The following RORA variants were observed in gnomAD, a reference collection of about 807,000 sequenced individuals.
The protein encoded by RORA is RAR related orphan receptor A.
RORA carries 7 observed loss-of-function variants against 69.5 expected under a neutral mutation model. The ratio of observed to expected loss-of-function variants is 0.10; its 90% CI spans 0.06 to 0.19. The LOEUF is 0.19. RORA is among the 10% of genes least tolerant of loss of function. RORA has a pLI of 1.00. For synonymous variants in RORA, 261 were observed against 240.8 expected (o/e 1.08, Z -0.78); for missense variants, 457 against 663.0 (o/e 0.69, Z 3.41).
At chr15:60,656,973 A>T (rs1441559688) in intron 2 of RORA, among the ~76,000 whole-genome samples, 1 of 152,198 alleles carries the variant, frequency 6.6e-6, no homozygotes, top group Non-Finnish European at 1.5e-5. Context: ...TCTTTTTGGT[A>T]TAATTAGAAG....
chr15:60,595,566 C>A (rs2068648247), intron 2 of RORA, among the ~76,000 whole-genome samples: 1 of 150,392 alleles, frequency 6.6e-6, no homozygotes. Flanking sequence ...TATTAAAATG[C>A]AATAAATATG....
intron 1 of RORA, among the ~76,000 whole-genome samples, chr15:61,077,913 G>A (rs903819577): frequency 6.6e-6 from 1 of 152,112 alleles, no homozygotes; most frequent in African/African-American, 2.4e-5. Flanking sequence ...AGAGAGTAGG[G>A]TGAAGGCCCA....
chr15:60,503,503 G>A, intron 7 of RORA, 32 bp downstream of exon 7: 4 of 1,611,856 alleles, frequency 2.5e-6, no homozygotes, highest in South Asian at 2.2e-5. Flanking sequence ...AGGTTAGGAA[G>A]AGATCTCAAA....
chr15:61,096,249 C>A (rs2078788410), intron 1 of RORA, among the ~76,000 whole-genome samples: 1 of 152,130 alleles, frequency 6.6e-6, no homozygotes, highest in South Asian at 2.1e-4. Context: ...ACTACTGTCC[C>A]TTATAGAGCT....
chr15:60,640,793 T>G (rs1567137865), intron 2 of RORA, among the ~76,000 whole-genome samples: 1 of 152,214 alleles, frequency 6.6e-6, no homozygotes, highest in Non-Finnish European at 1.5e-5. Context: ...TCCTAAAATT[T>G]GTCATCCTTG....
At chr15:60,543,938 A>G (rs374185474) in intron 2 of RORA, among the ~76,000 whole-genome samples, 17 of 152,326 alleles carry the variant, frequency 1.1e-4, no homozygotes, top group African/African-American at 3.6e-4. Context: ...GGCACGATAG[A>G]AAGAAACCAG....
chr15:61,029,695 G>T (rs1036116726), intron 1 of RORA, among the ~76,000 whole-genome samples: 1 of 152,090 alleles, frequency 6.6e-6, no homozygotes, highest in Non-Finnish European at 1.5e-5. Context: ...GTAAAGAAGG[G>T]GAAAGAATTC....
intron 1 of RORA, among the ~76,000 whole-genome samples, chr15:60,735,803 A>C (rs1449011201): frequency 1.3e-5 from 2 of 152,192 alleles, no homozygotes; most frequent in Non-Finnish European, 2.9e-5. Context: ...GGTTTTGAAG[A>C]TAAAATTCAA....
At chr15:60,647,761 A>G (rs2070074919) in intron 2 of RORA, among the ~76,000 whole-genome samples, 1 of 152,218 alleles carries the variant, frequency 6.6e-6, no homozygotes. Context: ...TACTGTTGAG[A>G]GAAAAGTACA....
rs970975188 is a variant in RORA at position 60,801,801 on chromosome 15, G to A, written c.167-123115C>T. On this transcript the variant is annotated intron_variant, in intron 1 of 10. Coordinates refer to ENST00000335670, the MANE Select transcript of RORA (RefSeq NM_134261.3). ...GAAGTCTCCTAAGAGGATGCAAGCAGGCTTGTGTGGAATAATCCCTTAACT... is the reference window on the plus strand; with the variant it reads ...GAAGTCTCCTAAGAGGATGCAAGCAAGCTTGTGTGGAATAATCCCTTAACT... Among the ~76,000 whole-genome samples, 3 of 152,180 alleles carry A rather than the reference G, an allele frequency of 2.0e-5. No homozygotes were observed. The East Asian group carries it at 5.8e-4, about 29-fold the overall frequency.
intron 1 of RORA, among the ~76,000 whole-genome samples, chr15:60,812,543 G>A (rs77072790): frequency 0.063 from 9,609 of 152,146 alleles, 382 homozygotes; most frequent in Admixed American, 0.092. Context: ...AAAGAAGAGT[G>A]AATGAAATAA....
chr15:60,661,058 C>CA (rs565540593), intron 2 of RORA, among the ~76,000 whole-genome samples: 16,775 of 119,076 alleles, frequency 0.14, 1,081 homozygotes, highest in East Asian at 0.27. Flanking sequence ...GAAATTCTGG[C>CA]AAAAAAAAAA....
chr15:61,170,923 A>C (rs1596043975), intron 1 of RORA, among the ~76,000 whole-genome samples: 2 of 152,332 alleles, frequency 1.3e-5, no homozygotes. Context: ...CACCCTCTAG[A>C]TACCATACTT....
chr15:60,710,688 T>C (rs2140808151), intron 1 of RORA, among the ~76,000 whole-genome samples: 1 of 152,252 alleles, frequency 6.6e-6, no homozygotes, highest in African/African-American at 2.4e-5. Context: ...ATGCATTTAC[T>C]CACATTCTCA....
At chr15:61,119,086 G>GGT (rs1555412581) in intron 1 of RORA, among the ~76,000 whole-genome samples, 3 of 145,762 alleles carry the variant, frequency 2.1e-5, no homozygotes, top group East Asian at 2.0e-4. Context: ...ACAGAAGGGG[G>GGT]GGGGGGGCGC....
chr15:60,624,511 G>GTGTA (rs1555439858), intron 2 of RORA, among the ~76,000 whole-genome samples: 1 of 74,746 alleles, frequency 1.3e-5, no homozygotes, highest in Admixed American at 1.4e-4. Flanking sequence ...CTGTATGTGT[G>GTGTA]TGTATATATA....
At chr15:60,633,820 T>C (rs1434688331) in intron 2 of RORA, among the ~76,000 whole-genome samples, 3 of 152,350 alleles carry the variant, frequency 2.0e-5, no homozygotes, top group South Asian at 2.1e-4. Flanking sequence ...AAATATCATA[T>C]GTAGTTTCTT....
chr15:60,794,758 T>A (rs341433), intron 1 of RORA, among the ~76,000 whole-genome samples: 6 of 152,222 alleles, frequency 3.9e-5, no homozygotes, highest in Admixed American at 3.9e-4. Context: ...GGAGTTATCA[T>A]TCAACCAGAG....
chr15:60,825,775 A>G (rs933011823), intron 1 of RORA, among the ~76,000 whole-genome samples: 8 of 152,114 alleles, frequency 5.3e-5, no homozygotes, highest in Non-Finnish European at 7.4e-5. Context: ...TCCACTTCTA[A>G]CATTTGAATC....
Sources: allele counts gnomAD v4.1 joint callset (sites outside exome capture counted in the v4.1 genomes callset), GRCh38; gene constraint gnomAD v4.1.1; transcripts MANE v1.5; gene names NCBI Gene and HGNC (gene_info 2026-07-23, HGNC 2026-07-21).